Variants in TTC16 observed in about 807,000 individuals in gnomAD.
TTC16 encodes tetratricopeptide repeat domain 16, also known as tetratricopeptide repeat protein 16.
A neutral mutation model predicts 80.4 loss-of-function variants in TTC16; 66 were observed. The ratio of observed to expected loss-of-function variants is 0.82; its 90% CI spans 0.67 to 1.01. The LOEUF (loss-of-function observed/expected upper bound fraction) is 1.01. Ranked by LOEUF, TTC16 falls within the 50% of genes least tolerant of loss-of-function variation. The pLI is 0.00. For missense variants in TTC16, 1,070 were observed against 1,103.2 expected (o/e 0.97, Z 0.43); for synonymous variants, 438 against 451.3 (o/e 0.97, Z 0.37).
intron 10 of TTC16, 144 bp from the exon 11 acceptor site, chr9:127,726,826 C>T (rs1210027120): frequency 3.8e-6 from 2 of 525,792 alleles, no homozygotes; most frequent in African/African-American, 2.0e-5. Context: ...AAAAAACAAA[C>T]AAGCAAACAA....
chr9:127,726,867 C>T (rs541268960), intron 10 of TTC16, 103 bp from the exon 11 acceptor site: 1 of 1,370,268 alleles, frequency 7.3e-7, no homozygotes, highest in African/African-American at 1.4e-5. Flanking sequence ...CTTCTTCAGC[C>T]CTGGGAAGGG....
intron 7 of TTC16, 135 bp from the exon 8 acceptor site, chr9:127,723,985 A>G (rs1273424179): frequency 8.0e-7 from 1 of 1,248,806 alleles, no homozygotes; most frequent in African/African-American, 1.5e-5. Flanking sequence ...AACCTAGCAA[A>G]TGAGGTGGGA....
rs762867626 is a variant in TTC16 at position 127,724,106 on chromosome 9, G to C, written c.873-14G>C. Reference sequence around the variant, plus strand: ...TCATGTCCCTCCTGCCGTCTCCCACGCCCCCCCCGACAGGGGCACCATGTA... The same window carrying C: ...TCATGTCCCTCCTGCCGTCTCCCACCCCCCCCCCGACAGGGGCACCATGTA... On this transcript the variant is annotated splice_polypyrimidine_tract_variant and intron_variant, in intron 7 of 13. Coordinates refer to ENST00000373289, the MANE Select transcript of TTC16 (RefSeq NM_144965.3). The C allele has an allele frequency of 1.7e-3, 2,668 of 1,557,938 alleles. 3 individuals carry two copies. Among genetic ancestry groups the C allele is most frequent in the African/African-American group, 6.3e-3 (462 of 73,522 alleles).
Position 127,724,881 on chromosome 9 carries a change from TGCGAGCAGAG to T in TTC16, c.1247_1256del (p.Glu416AlafsTer61), listed in dbSNP as rs1043771201. ...CCTGCTGCAGGAGAAGATGGGCTTCTGCGAGCAGAGGCGCAAGTGCGTGGGCTCCCGCCCC... is the reference window on the plus strand; with the variant it reads ...CCTGCTGCAGGAGAAGATGGGCTTCTGCGCAAGTGCGTGGGCTCCCGCCCC... On this transcript the variant is annotated frameshift_variant, in exon 9 of 14. Coordinates refer to ENST00000373289, the MANE Select transcript of TTC16 (RefSeq NM_144965.3). LOFTEE classifies it high-confidence loss of function. 2 of 1,559,180 alleles carry T rather than the reference TGCGAGCAGAG, an allele frequency of 1.3e-6. No individual in the cohort carries two copies. Among genetic ancestry groups the T allele is most frequent in the African/African-American group, 2.7e-5 (2 of 73,430 alleles).
Position 127,726,235 on chromosome 9 carries a change from G to C in TTC16, c.1260-4G>C, listed in dbSNP as rs1843940904. 1 of 1,583,890 alleles carries C rather than the reference G, an allele frequency of 6.3e-7. No individual in the cohort carries two copies. The highest frequency in any genetic ancestry group is 2.3e-5 in the East Asian group (1 of 43,862). ...AGCAGCTTGGGACCCACTGTGTCGT[G>C]CAGGCAGTTCCAGAAGGCAGAGAAC... On this transcript the variant is annotated splice_polypyrimidine_tract_variant and splice_region_variant and intron_variant, in intron 9 of 13. Transcript: ENST00000373289.
chr9:127,730,891 A>C lies in TTC16; in HGVS notation c.2108A>C (p.His703Pro). 6.2e-7 allele frequency: 1 copy of C among 1,612,054 alleles called. No homozygotes were observed. The highest frequency in any genetic ancestry group is 8.5e-7 in the Non-Finnish European group (1 of 1,179,550). ...RNSSKTKATI[H>P]KRNSSKTKAT... is the part of the protein sequence containing the mutation. ...TCCAGCAAGACCAAGGCCACTATAC[A>C]CAAGAGGAACTCCAGCAAGACCAAG... Residue 703 changes from histidine (H) to proline (P), a missense_variant, in exon 14 of 14, where the codon CAC becomes CCC. Transcript: ENST00000373289.
chr9:127,726,114 G>A (rs1843929641), intron 9 of TTC16, 125 bp from the exon 10 acceptor site: 2 of 654,566 alleles, frequency 3.1e-6, no homozygotes, highest in Non-Finnish European at 4.8e-6. Context: ...AGAGAGGAGA[G>A]GGGCGTGGTG....
At chr9:127,724,410 T>C (rs1378103771) in intron 8 of TTC16, 46 bp downstream of exon 8, 7 of 1,601,366 alleles carry the variant, frequency 4.4e-6, no homozygotes, top group Non-Finnish European at 6.0e-6. Flanking sequence ...CGGGGGAGCC[T>C]CGCCATCTCT....
chr9:127,723,449 T>C, intron 7 of TTC16, 116 bp downstream of exon 7: 1 of 998,412 alleles, frequency 1.0e-6, no homozygotes, highest in Non-Finnish European at 1.5e-6. Flanking sequence ...AGCTAGCCTC[T>C]AACAGTCTTT....
rs1025744695 is a variant in TTC16 at position 127,724,741 on chromosome 9, G to A, written c.1118-15G>A. 2.9e-5 allele frequency: 47 copies of A among 1,604,838 alleles called. No homozygotes were observed. The highest frequency in any genetic ancestry group is 3.6e-5 in the Non-Finnish European group (42 of 1,177,946). On this transcript the variant is annotated splice_polypyrimidine_tract_variant and intron_variant, in intron 8 of 13. Coordinates refer to ENST00000373289, the MANE Select transcript of TTC16 (RefSeq NM_144965.3). ...GGGAGTTGGGGGTCCACTCACCCCC[G>A]CCTCCGGACCCTAGATTGCTTCTTC...
In TTC16 at chr9:127,727,362, AGCTGAAG is replaced by A; in HGVS notation, c.1664_1670del (p.Leu555ProfsTer8). The A allele has an allele frequency of 6.2e-7, 1 of 1,610,294 alleles. No homozygotes were observed. The highest frequency in any genetic ancestry group is 8.5e-7 in the Non-Finnish European group (1 of 1,177,782). On this transcript the variant is annotated frameshift_variant, in exon 12 of 14. Coordinates refer to ENST00000373289, the MANE Select transcript of TTC16 (RefSeq NM_144965.3). LOFTEE classifies it high-confidence loss of function. ...GAGCCTTTGATTGCGACCTCCGAGG[AGCTGAAG>A]GCCACCCCTGAGATTCCGCAGGTAA...
At chr9:127,716,207 C>CA (rs774531228) in intron 1 of TTC16, 44 bp downstream of exon 1, 5 of 1,613,442 alleles carry the variant, frequency 3.1e-6, no homozygotes, top group Admixed American at 1.7e-5. Flanking sequence ...GAGGGCCAGG[C>CA]AGAGAGACCG....
Position 127,722,678 on chromosome 9 carries a change from A to G in TTC16, c.658-441A>G, listed in dbSNP as rs925059689. ...CTCCTTCAAGAGGCAGAAAGGGGCC[A>G]GGCATGGAGACTCAAACCTGTAATC... is the stretch of plus-strand genomic sequence containing the variant. On this transcript the variant is annotated intron_variant, in intron 6 of 13. Coordinates refer to ENST00000373289, the MANE Select transcript of TTC16 (RefSeq NM_144965.3). The surrounding 1 kb of genome is among the most constrained non-coding windows in gnomAD (Gnocchi z 4.2). 3.3e-5 allele frequency among the ~76,000 whole-genome samples: 5 copies of G among 152,150 alleles called. No individual in the cohort carries two copies. The highest frequency in any genetic ancestry group is 2.4e-5 in the African/African-American group (1 of 41,432).
At chr9:127,730,299 G>A (rs6478794) in intron 13 of TTC16, 6,311 of 377,756 alleles carry the variant, frequency 0.017, 355 homozygotes, top group African/African-American at 0.12. Flanking sequence ...TTTTAGTGGG[G>A]ACGAGGATGG....
At chr9:127,729,751 T>G in intron 13 of TTC16, 83 bp downstream of exon 13, 1 of 1,349,836 alleles carries the variant, frequency 7.4e-7, no homozygotes. Context: ...ACCGCTGGCC[T>G]AGGTGTGCGT....
At chr9:127,716,779 G>A (rs1416280678) in intron 1 of TTC16, 65 bp from the exon 2 acceptor site, 2 of 1,549,386 alleles carry the variant, frequency 1.3e-6, no homozygotes, top group Middle Eastern at 2.4e-4. Flanking sequence ...AGAATGCTGG[G>A]GAGTGTGTCA....
At chr9:127,720,823 C>A (rs1843401908) in intron 6 of TTC16, among the ~76,000 whole-genome samples, 1 of 2,786 alleles carries the variant, frequency 3.6e-4, no homozygotes, top group Non-Finnish European at 8.9e-4. Flanking sequence ...TCTTTCTTCC[C>A]TCCTGCCTTC....
intron 8 of TTC16, 81 bp downstream of exon 8, chr9:127,724,445 C>G (rs1167107114): frequency 6.5e-7 from 1 of 1,535,836 alleles, no homozygotes; most frequent in African/African-American, 1.4e-5. Context: ...GCACTTGAGG[C>G]CCCTGGGGGG....
Position 127,723,172 on chromosome 9 carries a change from C to T in TTC16, c.711C>T (p.His237=). ...LHSALLLNPK[H]PQARMLLQKM... Reference sequence around the variant, plus strand: ...GCGCCTTGCTGTTGAATCCCAAGCACCCGCAGGCCAGGATGCTGCTCCAGA... The same window carrying T: ...GCGCCTTGCTGTTGAATCCCAAGCATCCGCAGGCCAGGATGCTGCTCCAGA... Residue 237 remains histidine, a synonymous_variant, in exon 7 of 14, where the codon CAC becomes CAT. Coordinates refer to ENST00000373289, the MANE Select transcript of TTC16 (RefSeq NM_144965.3). 6.2e-7 allele frequency: 1 copy of T among 1,612,788 alleles called. No homozygotes were observed. The highest frequency in any genetic ancestry group is 8.5e-7 in the Non-Finnish European group (1 of 1,180,030).
Sources: allele counts gnomAD v4.1 joint callset (sites outside exome capture counted in the v4.1 genomes callset), GRCh38; gene constraint gnomAD v4.1.1; non-coding constraint Gnocchi (gnomAD v3.1); transcripts MANE v1.5; gene names NCBI Gene and HGNC (gene_info 2026-07-23, HGNC 2026-07-21).